Variants in TPST1 observed in about 807,000 individuals in gnomAD.
TPST1 encodes protein-tyrosine sulfotransferase 1.
Under a neutral mutation model 34.8 loss-of-function variants are expected in TPST1, and 20 were observed. The observed-to-expected ratio is 0.57, with a 90% CI of 0.40 to 0.84. TPST1 has a LOEUF of 0.84. Among genes scored for constraint, TPST1 ranks in the 40% least tolerant of loss-of-function variants. TPST1 has a pLI of 0.00. For missense variants in TPST1, 353 were observed against 455.5 expected (o/e 0.78, Z 2.05); for synonymous variants, 152 against 159.4 (o/e 0.95, Z 0.35).
chr7:66,231,399 G>A (rs549804773), intron 1 of TPST1, among the ~76,000 whole-genome samples: 2 of 152,224 alleles, frequency 1.3e-5, no homozygotes, highest in East Asian at 1.9e-4. Flanking sequence ...ACTGGGTGCC[G>A]TGGAGCAGGG....
intron 1 of TPST1, among the ~76,000 whole-genome samples, chr7:66,237,776 C>T (rs968035811): frequency 3.3e-5 from 5 of 152,022 alleles, no homozygotes; most frequent in African/African-American, 7.3e-5. Flanking sequence ...TTCACTTATG[C>T]GATTGTGGGG....
intron 3 of TPST1, among the ~76,000 whole-genome samples, chr7:66,320,784 G>T (rs184874010): frequency 6.6e-6 from 1 of 151,506 alleles, no homozygotes; most frequent in Non-Finnish European, 1.5e-5. Context: ...TTTTAGTAGA[G>T]ATGGGGCTTC....
intron 3 of TPST1, among the ~76,000 whole-genome samples, chr7:66,310,515 C>T (rs1791508756): frequency 6.6e-6 from 1 of 151,966 alleles, no homozygotes; most frequent in African/African-American, 2.4e-5. Flanking sequence ...GGGTCGTGTT[C>T]CTCAGTGTGT....
At chr7:66,331,920 C>A (rs915435764) in intron 3 of TPST1, among the ~76,000 whole-genome samples, 2 of 152,042 alleles carry the variant, frequency 1.3e-5, no homozygotes, top group African/African-American at 4.8e-5. Flanking sequence ...GTTGTTCTTG[C>A]CTTATGAGAC....
intron 1 of TPST1, among the ~76,000 whole-genome samples, chr7:66,230,373 C>G (rs184696588): frequency 3.9e-5 from 6 of 152,354 alleles, no homozygotes; most frequent in East Asian, 1.9e-4. Flanking sequence ...TCACTGACTT[C>G]AAGAATGAAG....
chr7:66,254,104 C>T (rs1037983674), intron 2 of TPST1, among the ~76,000 whole-genome samples: 1 of 151,680 alleles, frequency 6.6e-6, no homozygotes, highest in Non-Finnish European at 1.5e-5. Flanking sequence ...GTTTTTAAAC[C>T]CTTTGGTCCT....
chr7:66,278,035 C>T (rs983682606), intron 2 of TPST1, among the ~76,000 whole-genome samples: 1 of 126,188 alleles, frequency 7.9e-6, no homozygotes, highest in Non-Finnish European at 1.6e-5. Context: ...ATGAGGTGGA[C>T]GTTGCAGTGT....
At chr7:66,256,205 C>T (rs912369113) in intron 2 of TPST1, among the ~76,000 whole-genome samples, 3 of 152,102 alleles carry the variant, frequency 2.0e-5, no homozygotes, top group African/African-American at 7.2e-5. Flanking sequence ...TTGGTATATG[C>T]TGTTAGTTTT....
At chr7:66,323,847 C>G (rs1470553585) in intron 3 of TPST1, among the ~76,000 whole-genome samples, 6 of 152,082 alleles carry the variant, frequency 3.9e-5, no homozygotes, top group African/African-American at 1.4e-4. Flanking sequence ...AGTAGTTCCT[C>G]AAAAAATTAT....
intron 3 of TPST1, among the ~76,000 whole-genome samples, chr7:66,300,340 T>G (rs991041227): frequency 6.6e-6 from 1 of 152,202 alleles, no homozygotes. Context: ...TCATTCAAGT[T>G]CAATCATAAG....
intron 3 of TPST1, among the ~76,000 whole-genome samples, chr7:66,297,290 C>T (rs1584217188): frequency 1.3e-5 from 2 of 152,196 alleles, no homozygotes; most frequent in Non-Finnish European, 2.9e-5. Flanking sequence ...ATGTGTCCAC[C>T]GAAATGCTCT....
chr7:66,240,319 T>C lies in TPST1; in HGVS notation c.-101-6T>C. 7.5e-7 allele frequency: 1 copy of C among 1,339,162 alleles called. No individual in the cohort carries two copies. Among genetic ancestry groups the C allele is most frequent in the Admixed American group, 2.7e-5 (1 of 37,512 alleles). 83.0% of individuals were successfully genotyped at this position (1,339,162 alleles called of 1,614,324 possible). A position where few individuals can be genotyped will look rare whatever the true frequency, so the allele number is the denominator to read the frequency against. ...ATGATAAATAACCTTTTCCTTTCTC[T>C]ACTAGATGTTGGTTATCTTTCTGAA... On this transcript the variant is annotated splice_region_variant and splice_polypyrimidine_tract_variant and intron_variant, in intron 1 of 5. Transcript: ENST00000304842.
chr7:66,263,822 T>G (rs1790535144), intron 2 of TPST1, among the ~76,000 whole-genome samples: 1 of 152,134 alleles, frequency 6.6e-6, no homozygotes, highest in African/African-American at 2.4e-5. Context: ...AATTTTACCC[T>G]TCCATAAGAG....
chr7:66,347,627 T>C (rs1379408800), intron 3 of TPST1, among the ~76,000 whole-genome samples: 2 of 152,246 alleles, frequency 1.3e-5, no homozygotes, highest in Admixed American at 1.3e-4. Flanking sequence ...ACCAGTATTA[T>C]TCTTTTTGCT....
intron 3 of TPST1, among the ~76,000 whole-genome samples, chr7:66,334,635 C>CAAAAAA (rs60341796): frequency 1.7e-4 from 19 of 112,704 alleles, no homozygotes; most frequent in African/African-American, 5.0e-4. Context: ...GACTCCATCT[C>CAAAAAA]AAAAAAAAAA....
intron 3 of TPST1, among the ~76,000 whole-genome samples, chr7:66,345,110 G>C (rs1298707297): frequency 6.6e-6 from 1 of 152,054 alleles, no homozygotes. Context: ...GAAAGGAATA[G>C]AAGAACCATT....
In TPST1 at chr7:66,310,229, A is replaced by T. The variant is rs536986576; in HGVS notation, c.1044+23520A>T. ...CTGGGAGAGATTTAGCTTTCTGAGA[A>T]AATAAAGAATTGTGTGAAAAGAGCT... is the stretch of plus-strand genomic sequence containing the variant. On this transcript the variant is annotated intron_variant, in intron 3 of 5. Transcript: ENST00000304842. Among the ~76,000 whole-genome samples the T allele has an allele frequency of 3.3e-5, 5 of 152,338 alleles. No individual in the cohort carries two copies. The South Asian group carries it at 1.0e-3, about 32-fold the overall frequency.
chr7:66,278,783 A>G (rs10257911), intron 2 of TPST1, among the ~76,000 whole-genome samples: 100,636 of 151,208 alleles, frequency 0.67, 33,860 homozygotes, highest in African/African-American at 0.76. Flanking sequence ...GGGTGGCAGA[A>G]CGAGATTCCG....
chr7:66,199,717 C>T, the TPST1 span, among the ~76,000 whole-genome samples: 3 of 143,410 alleles, frequency 2.1e-5, no homozygotes, highest in Non-Finnish European at 4.5e-5. Context: ...ATTTGTGTCC[C>T]TTTTTTTTTT....
Sources: allele counts gnomAD v4.1 joint callset (sites outside exome capture counted in the v4.1 genomes callset), GRCh38; gene constraint gnomAD v4.1.1; transcripts MANE v1.5; gene names NCBI Gene and HGNC (gene_info 2026-07-23, HGNC 2026-07-21).